Variants in KRT31 observed in about 807,000 individuals in gnomAD.
The protein encoded by KRT31 is keratin, type I cuticular Ha1.
In KRT31, 27 loss-of-function variants were observed where a neutral mutation model predicts 40.8. The observed-to-expected ratio is 0.66, with a 90% CI of 0.49 to 0.91. The LOEUF (loss-of-function observed/expected upper bound fraction) is 0.91, where lower values mean the gene tolerates loss of function less well. Among genes scored for constraint, KRT31 ranks in the 40% least tolerant of loss-of-function variants. The pLI, the probability that KRT31 is intolerant of heterozygous loss-of-function variation, is 0.00. For missense variants in KRT31, 510 were observed against 544.1 expected (o/e 0.94, Z 0.62); for synonymous variants, 231 against 231.9 (o/e 1.00, Z 0.03).
Position 41,393,958 on chromosome 17 carries a change from G to A in KRT31, c.*58C>T. On this transcript the variant is annotated 3_prime_UTR_variant, in exon 7 of 7. Transcript: ENST00000251645. ...GGCCCCTTTTGTTGAACCAGAGCCA[G>A]GTCACAGCTCTGGAGTCCTGGGCCC... The A allele has an allele frequency of 6.4e-7, 1 of 1,562,778 alleles. No individual in the cohort carries two copies. The highest frequency in any genetic ancestry group is 1.2e-5 in the South Asian group (1 of 86,144).
chr17:41,395,213 G>A lies in KRT31; in HGVS notation c.876+32C>T, dbSNP rs377742443. 3,263 of 1,611,404 alleles carry A rather than the reference G, an allele frequency of 2.0e-3. 14 individuals carry two copies. The highest frequency in any genetic ancestry group is 0.013 in the African/African-American group (940 of 74,834). On this transcript the variant is annotated intron_variant, in intron 5 of 6. Transcript: ENST00000251645. Reference sequence around the variant, plus strand: ...CCGGGACTCTGCCTCCCAAGTTCCCGTCGCTCACCAGCAGGTCTGAACAAT... The same window carrying A: ...CCGGGACTCTGCCTCCCAAGTTCCCATCGCTCACCAGCAGGTCTGAACAAT...
chr17:41,393,916 T>C lies in KRT31; in HGVS notation c.*100A>G. 7.3e-7 allele frequency: 1 copy of C among 1,364,940 alleles called. No homozygotes were observed. Among genetic ancestry groups the C allele is most frequent in the Non-Finnish European group, 9.9e-7 (1 of 1,012,664 alleles). The allele number at this position is 1,364,940 out of a possible 1,614,324, so 84.6% of individuals were successfully genotyped here. A position where few individuals can be genotyped will look rare whatever the true frequency, so the allele number is the denominator to read the frequency against. On this transcript the variant is annotated 3_prime_UTR_variant, in exon 7 of 7. Transcript: ENST00000251645. ...TGCCTTACGCGGGCAACTCCAGCCA[T>C]GCAAATGATGTTTTCAGGCCCCTTT... is the stretch of plus-strand genomic sequence containing the variant.
At position 41,395,365 on chromosome 17, in the gene KRT31, C is replaced by T. The variant is rs1567681942; in HGVS notation, c.756G>A (p.Glu252=). ...EVEQWFTTQT[E]ELNKQVVSSS... ...TGGATACCACCTGCTTGTTCAGCTC[C>T]TCGGTCTGAAACACCCAAGGGGAGA... Residue 252 remains glutamate (E), a synonymous_variant, in exon 5 of 7, where the codon GAG becomes GAA. Coordinates refer to ENST00000251645, the MANE Select transcript of KRT31 (RefSeq NM_002277.3). The T allele has an allele frequency of 1.2e-6, 2 of 1,614,166 alleles. No individual in the cohort carries two copies. Among genetic ancestry groups the T allele is most frequent in the Non-Finnish European group, 1.7e-6 (2 of 1,180,036 alleles).
rs561646458 is a variant in KRT31 at position 41,397,321 on chromosome 17, T to C, written c.219A>G (p.Lys73=). 4.2e-5 allele frequency: 67 copies of C among 1,614,006 alleles called. No individual in the cohort carries two copies. The highest frequency in any genetic ancestry group is 8.3e-5 in the Admixed American group (5 of 60,014). The change falls in exon 1 of 7, where the codon AAA becomes AAG. Residue 73 remains lysine (K), a synonymous_variant. Transcript: ENST00000251645. ...LNDRLASYLE[K]VRQLERDNAE... is the part of the protein sequence containing the mutation. The stretch of plus-strand genomic sequence containing the variant: ...CGTTGTCCCGCTCCAGCTGACGCAC[T>C]TTCTCCAGGTAGCTGGCCAGGCGGT...
At chr17:41,394,339 G>T (rs1312644276) in intron 6 of KRT31, among the ~76,000 whole-genome samples, 170 bp from the exon 7 acceptor site, 1 of 152,132 alleles carries the variant, frequency 6.6e-6, no homozygotes, top group Non-Finnish European at 1.5e-5. Context: ...ATTGTTAATG[G>T]TCTCCCTGCC....
chr17:41,395,078 A>T lies in KRT31; in HGVS notation c.877-10T>A, dbSNP rs752421349. On this transcript the variant is annotated splice_polypyrimidine_tract_variant and intron_variant, in intron 5 of 6. Coordinates refer to ENST00000251645, the MANE Select transcript of KRT31 (RefSeq NM_002277.3). ...TTTCCAGAGAGTCTCGCTGTGGTGG[A>T]GAAGATTGGGAATGTCAGAGAGCTG... The T allele has an allele frequency of 1.2e-6, 2 of 1,614,044 alleles. No homozygotes were observed. The highest frequency in any genetic ancestry group is 4.5e-5 in the East Asian group (2 of 44,872).
At position 41,396,906 on chromosome 17, in the gene KRT31, A is replaced by C. The variant is rs757074852; in HGVS notation, c.431+7T>G. 9 of 1,610,262 alleles carry C rather than the reference A, an allele frequency of 5.6e-6. No homozygotes were observed. In the East Asian group the frequency reaches 2.0e-4, roughly 36 times the overall value. ...ATTGACACTAGTGCAAATTCCGAAC[A>C]ACTCACTTGGTTCTGAAATCATCCG... On this transcript the variant is annotated splice_region_variant and intron_variant, in intron 2 of 6. Coordinates refer to ENST00000251645, the MANE Select transcript of KRT31 (RefSeq NM_002277.3).
rs775196831 is a variant in KRT31, at chr17:41,395,291, C to T, written c.830G>A (p.Arg277His). ...CTCGATCTCCAGGGCGTTGACTGTGCGTCTCAGCTCGATGATCTCCGCCTG... is the reference window on the plus strand; with the variant it reads ...CTCGATCTCCAGGGCGTTGACTGTGTGTCTCAGCTCGATGATCTCCGCCTG... The part of the protein sequence containing the change: ...SYQAEIIELR[R>H]TVNALEIELQ... Residue 277 changes from arginine (R) to histidine (H), a missense_variant, in exon 5 of 7, where the codon CGC becomes CAC. Arg to His is a conservative substitution (Grantham distance 29). Coordinates refer to ENST00000251645, the MANE Select transcript of KRT31 (RefSeq NM_002277.3). The T allele has an allele frequency of 2.1e-5, 34 of 1,613,054 alleles. No individual in the cohort carries two copies. The highest frequency in any genetic ancestry group is 2.0e-4 in the African/African-American group (15 of 74,886).
intron 5 of KRT31, 40 bp downstream of exon 5, chr17:41,395,205 A>G: frequency 6.2e-7 from 1 of 1,612,282 alleles, no homozygotes; most frequent in African/African-American, 1.3e-5. Flanking sequence ...TCTGCCTCCC[A>G]AGTTCCCGTC....
Position 41,393,993 on chromosome 17 carries a change from G to A in KRT31, c.*23C>T, listed in dbSNP as rs769230510. On this transcript the variant is annotated 3_prime_UTR_variant, in exon 7 of 7. Transcript: ENST00000251645. ...CTGGAGTCCTGGGCCCTGCATCCTTGCTCCTCTGGCATTCCCTAGGTTCTA... is the reference window on the plus strand; with the variant it reads ...CTGGAGTCCTGGGCCCTGCATCCTTACTCCTCTGGCATTCCCTAGGTTCTA... 1.2e-6 allele frequency: 2 copies of A among 1,610,388 alleles called. No individual in the cohort carries two copies. The highest frequency in any genetic ancestry group is 2.7e-5 in the African/African-American group (2 of 74,762).
chr17:41,396,806 C>A, intron 2 of KRT31, 107 bp downstream of exon 2: 1 of 1,112,258 alleles, frequency 9.0e-7, no homozygotes, highest in Non-Finnish European at 1.3e-6. Context: ...CAGTCCTCTG[C>A]AGAATCCTTC....
chr17:41,396,606 T>C, intron 2 of KRT31, 30 bp from the exon 3 acceptor site: 1 of 1,595,298 alleles, frequency 6.3e-7, no homozygotes, highest in Non-Finnish European at 8.5e-7. Context: ...GAGTACTACC[T>C]GGTAGATCTT....
rs766355623 is a variant in KRT31 at position 41,395,379 on chromosome 17, C to T, written c.751-9G>A. 16 of 1,614,148 alleles carry T rather than the reference C, an allele frequency of 9.9e-6. No homozygotes were observed. The highest frequency in any genetic ancestry group is 1.3e-5 in the Non-Finnish European group (15 of 1,180,032). ...TTGTTCAGCTCCTCGGTCTGAAACA[C>T]CCAAGGGGAGAAAGGATCAGACCCT... On this transcript the variant is annotated splice_polypyrimidine_tract_variant and intron_variant, in intron 4 of 6. Coordinates refer to ENST00000251645, the MANE Select transcript of KRT31 (RefSeq NM_002277.3).
chr17:41,395,931 G>T (rs957945526), intron 3 of KRT31, among the ~76,000 whole-genome samples: 1 of 152,148 alleles, frequency 6.6e-6, no homozygotes, highest in African/African-American at 2.4e-5. Flanking sequence ...AAAAAAATAG[G>T]CTGTGCAATT....
Position 41,395,236 on chromosome 17 carries a change from A to G in KRT31, c.876+9T>C, listed in dbSNP as rs751464860. 1.2e-5 allele frequency: 19 copies of G among 1,612,602 alleles called. No homozygotes were observed. The Admixed American group carries it at 2.7e-4, about 23-fold the overall frequency. The stretch of plus-strand genomic sequence containing the variant: ...CCGTCGCTCACCAGCAGGTCTGAAC[A>G]ATACACACCAGGTTGTGCTGGGCCT... On this transcript the variant is annotated intron_variant, in intron 5 of 6. Coordinates refer to ENST00000251645, the MANE Select transcript of KRT31 (RefSeq NM_002277.3).
chr17:41,394,751 A>G (rs2018187986), intron 6 of KRT31, 97 bp downstream of exon 6: 3 of 1,568,354 alleles, frequency 1.9e-6, no homozygotes, highest in Non-Finnish European at 2.6e-6. Context: ...GTGTGAAGGC[A>G]TAATTTCCTT....
intron 2 of KRT31, 134 bp downstream of exon 2, chr17:41,396,779 C>A: frequency 9.9e-7 from 1 of 1,012,300 alleles, no homozygotes; most frequent in Non-Finnish European, 1.5e-6. Context: ...TTTTGCATTT[C>A]TTTGCTTGGT....
chr17:41,395,903 G>C (rs113392675), intron 3 of KRT31, among the ~76,000 whole-genome samples: 121 of 152,244 alleles, frequency 7.9e-4, no homozygotes, highest in African/African-American at 2.8e-3. Context: ...AATTGGCTGT[G>C]AGGACCTCAG....
chr17:41,395,104 C>T (rs552595139), intron 5 of KRT31, 36 bp from the exon 6 acceptor site: 1 of 1,612,968 alleles, frequency 6.2e-7, no homozygotes, highest in Admixed American at 1.7e-5. Context: ...CAGAGAGCTG[C>T]TCCTTCAAAG....
Sources: gnomAD v4.1 joint callset for allele counts (sites outside exome capture counted in the v4.1 genomes callset) on GRCh38, gnomAD v4.1.1 for gene constraint, MANE v1.5 for transcripts, NCBI Gene and HGNC (gene_info 2026-07-23, HGNC 2026-07-21) for gene names.